Variants in ABI3BP observed in about 807,000 individuals in gnomAD.
ABI3BP encodes target of Nesh-SH3.
In ABI3BP, 216 loss-of-function variants were observed where a neutral mutation model predicts 268.6. That is an observed-to-expected ratio of 0.80 (90% confidence interval 0.72 to 0.90). ABI3BP has a LOEUF of 0.90. Among genes scored for constraint, ABI3BP ranks in the 40% least tolerant of loss-of-function variants. The probability of loss-of-function intolerance (pLI) is 0.00; values close to 1 mark genes in which losing one functional copy is unlikely to be tolerated. For missense variants in ABI3BP, 2,090 were observed against 2,182.4 expected (o/e 0.96, Z 0.84); for synonymous variants, 730 against 730.0 (o/e 1.00, Z 0.00).
At position 100,749,802 on chromosome 3, in the gene ABI3BP, T is replaced by TA; in HGVS notation, c.*692dup. On this transcript the variant is annotated 3_prime_UTR_variant, in exon 68 of 68. Transcript: ENST00000471714. ...CAGATATTGTAACATTTATGGTGGG[T>TA]AAAAATGTATCTTTTGAAACAATAT... is the stretch of plus-strand genomic sequence containing the variant. 1 of 397,758 alleles carries TA rather than the reference T, an allele frequency of 2.5e-6. No individual in the cohort carries two copies. The highest frequency in any genetic ancestry group is 4.4e-6 in the Non-Finnish European group (1 of 225,494). The allele number at this position is 397,758 out of a possible 1,614,324, so 24.6% of individuals were successfully genotyped here. A position where few individuals can be genotyped will look rare whatever the true frequency, so the allele number is the denominator to read the frequency against.
At chr3:100,968,086 G>A (rs1012324082) in intron 1 of ABI3BP, among the ~76,000 whole-genome samples, 3 of 152,098 alleles carry the variant, frequency 2.0e-5, no homozygotes, top group African/African-American at 7.2e-5. Context: ...AGCCTGGGGA[G>A]TTCTAATAGA....
intron 1 of ABI3BP, chr3:100,945,516 T>C (rs1254737976): frequency 2.8e-6 from 1 of 351,992 alleles, no homozygotes; most frequent in Non-Finnish European, 5.5e-6. Flanking sequence ...GTTCCCACCC[T>C]TAGCTCTAGG....
intron 2 of ABI3BP, chr3:100,912,094 C>A (rs973923224): frequency 6.3e-6 from 4 of 637,268 alleles, no homozygotes; most frequent in Admixed American, 4.3e-5. Flanking sequence ...AAGAAGAACA[C>A]CTTCCGTGTC....
At position 100,770,849 on chromosome 3, in the gene ABI3BP, G is replaced by A; in HGVS notation, c.4635C>T (p.Thr1545=). ...TGGTGGGTGGGTTCTGTGGTGGGCT[G>A]GTGGCATTCCCCTCTGTGGCCTCCT... ...PKEEATEGNA[T]SPPQNPPTNL... is the part of the protein sequence containing the mutation. Residue 1545 remains threonine (T), a synonymous_variant, in exon 62 of 68, where the codon ACC becomes ACT. Coordinates refer to ENST00000471714, the MANE Select transcript of ABI3BP (RefSeq NM_001375547.2). 1.2e-6 allele frequency: 2 copies of A among 1,605,024 alleles called. No homozygotes were observed. Among genetic ancestry groups the A allele is most frequent in the Non-Finnish European group, 1.7e-6 (2 of 1,175,670 alleles).
chr3:100,945,613 T>C (rs1418996372), intron 1 of ABI3BP: 2 of 447,940 alleles, frequency 4.5e-6, no homozygotes, highest in Non-Finnish European at 8.9e-6. Flanking sequence ...GCTTCTTTCA[T>C]TCAGCATCAT....
chr3:100,749,697 GTC>G lies in ABI3BP; in HGVS notation c.*796_*797del, dbSNP rs1313932817. ...GTGCTCAGACTTGACTTCACATTCA[GTC>G]TCTACATACAGCTTGATTAGAATCA... On this transcript the variant is annotated 3_prime_UTR_variant, in exon 68 of 68. Transcript: ENST00000471714. The G allele has an allele frequency of 2.5e-6, 1 of 398,338 alleles. No homozygotes were observed. Among genetic ancestry groups the G allele is most frequent in the African/African-American group, 2.1e-5 (1 of 48,560 alleles). The allele number at this position is 398,338 out of a possible 1,614,324, so 24.7% of individuals were successfully genotyped here. A position where few individuals can be genotyped will look rare whatever the true frequency, so the allele number is the denominator to read the frequency against.
At chr3:100,920,986 T>C (rs2060047083) in intron 2 of ABI3BP, among the ~76,000 whole-genome samples, 1 of 152,164 alleles carries the variant, frequency 6.6e-6, no homozygotes, top group Non-Finnish European at 1.5e-5. Context: ...AGGACTTTTT[T>C]CAGCTTAGAG....
rs185558055 is a variant in ABI3BP at position 100,980,149 on chromosome 3, C to G, written c.79+13157G>C. Among the ~76,000 whole-genome samples the G allele has an allele frequency of 1.1e-3, 161 of 152,310 alleles. 1 individual carries two copies. Among genetic ancestry groups the G allele is most frequent in the African/African-American group, 3.6e-3 (150 of 41,570 alleles). On this transcript the variant is annotated intron_variant, in intron 1 of 67. Transcript: ENST00000471714. ...TATACATTAGAGCAAAACCCTAAACCATACTACTGCCAATATGTTGATCAT... is the reference window on the plus strand; with the variant it reads ...TATACATTAGAGCAAAACCCTAAACGATACTACTGCCAATATGTTGATCAT...
At chr3:100,882,709 T>A (rs1285288697) in intron 6 of ABI3BP, among the ~76,000 whole-genome samples, 1 of 151,964 alleles carries the variant, frequency 6.6e-6, no homozygotes, top group East Asian at 1.9e-4. Context: ...AAAATTAAAT[T>A]CCCTGAGAGT....
intron 1 of ABI3BP, among the ~76,000 whole-genome samples, chr3:100,943,304 T>G (rs2070399754): frequency 6.6e-6 from 1 of 152,124 alleles, no homozygotes; most frequent in Non-Finnish European, 1.5e-5. Flanking sequence ...ATCTTAATTT[T>G]TAATTAATTT....
Position 100,846,447 on chromosome 3 carries a change from C to A in ABI3BP, c.1649-1G>T. On this transcript the variant is annotated splice_acceptor_variant, in intron 19 of 67. Transcript: ENST00000471714. LOFTEE classifies it high-confidence loss of function. ...GAAATAAATTGTGTTTTACCGGGAG[C>A]TGGAAAAATAAAGAAACAAAATAAT... is the stretch of plus-strand genomic sequence containing the variant. 1 of 1,578,676 alleles carries A rather than the reference C, an allele frequency of 6.3e-7. No homozygotes were observed. The highest frequency in any genetic ancestry group is 8.6e-7 in the Non-Finnish European group (1 of 1,160,950).
At chr3:100,853,431 G>A (rs116615328) in intron 14 of ABI3BP, among the ~76,000 whole-genome samples, 1,981 of 152,174 alleles carry the variant, frequency 0.013, 41 homozygotes, top group African/African-American at 0.045. Flanking sequence ...GATCTGGCAT[G>A]GTCAGCTCTA....
At chr3:100,977,275 G>T (rs2086714988) in intron 1 of ABI3BP, among the ~76,000 whole-genome samples, 1 of 152,102 alleles carries the variant, frequency 6.6e-6, no homozygotes, top group African/African-American at 2.4e-5. Flanking sequence ...GTTATCTATT[G>T]CTATATAATA....
intron 55 of ABI3BP, among the ~76,000 whole-genome samples, chr3:100,792,306 GAGAGA>G (rs983285988): frequency 3.3e-5 from 5 of 151,646 alleles, no homozygotes; most frequent in Admixed American, 1.3e-4. Flanking sequence ...GTGAGAAAAG[GAGAGA>G]AGAGAAGGAG....
At chr3:100,806,458 T>TC (rs1288446650) in intron 50 of ABI3BP, among the ~76,000 whole-genome samples, 1 of 152,100 alleles carries the variant, frequency 6.6e-6, no homozygotes, top group Non-Finnish European at 1.5e-5. Flanking sequence ...TATACACACC[T>TC]CCTTGAAAGA....
intron 4 of ABI3BP, among the ~76,000 whole-genome samples, chr3:100,887,915 G>T (rs1367283998): frequency 6.6e-6 from 1 of 152,012 alleles, no homozygotes; most frequent in Non-Finnish European, 1.5e-5. Flanking sequence ...CTGTTCAAAA[G>T]TTATTAGGAA....
chr3:100,804,972 G>GT (rs2097661108), intron 50 of ABI3BP, 106 bp from the exon 51 acceptor site: 1 of 883,930 alleles, frequency 1.1e-6, no homozygotes, highest in Non-Finnish European at 1.9e-6. Flanking sequence ...ATAAAACAAA[G>GT]CATTAGAGAG....
At chr3:100,794,376 G>A (rs2097280315) in intron 54 of ABI3BP, among the ~76,000 whole-genome samples, 1 of 151,834 alleles carries the variant, frequency 6.6e-6, no homozygotes, top group Non-Finnish European at 1.5e-5. Flanking sequence ...ACTTCACAGA[G>A]TTACATGGTT....
intron 1 of ABI3BP, among the ~76,000 whole-genome samples, chr3:100,956,544 G>T (rs901566951): frequency 1.8e-4 from 28 of 152,260 alleles, no homozygotes; most frequent in African/African-American, 6.7e-4. Flanking sequence ...AAGAACAGAG[G>T]CCCTGGTAAA....
Sources: allele counts gnomAD v4.1 joint callset (sites outside exome capture counted in the v4.1 genomes callset), GRCh38; gene constraint gnomAD v4.1.1; transcripts MANE v1.5; gene names NCBI Gene and HGNC (gene_info 2026-07-23, HGNC 2026-07-21).